Variants in FNIP2 observed in about 807,000 individuals in gnomAD.
The protein encoded by FNIP2 is folliculin interacting protein 2.
Under a neutral mutation model 108.7 loss-of-function variants are expected in FNIP2, and 32 were observed. The observed-to-expected ratio is 0.29, with a 90% CI of 0.22 to 0.40. The LOEUF is 0.40. Ranked by LOEUF, FNIP2 falls within the 10% of genes least tolerant of loss-of-function variation. The pLI is 1.00. For synonymous variants in FNIP2, 480 were observed against 496.7 expected (o/e 0.97, Z 0.45); for missense variants, 1,202 against 1,381.6 (o/e 0.87, Z 2.06).
chr4:158,785,087 C>CTTTTT (rs397805773), intron 1 of FNIP2, among the ~76,000 whole-genome samples: 38,300 of 122,440 alleles, frequency 0.31, 6,890 homozygotes, highest in Non-Finnish European at 0.37. Context: ...TAAAGTTCCT[C>CTTTTT]TTTTTTTTTT....
intron 14 of FNIP2, among the ~76,000 whole-genome samples, chr4:158,883,484 G>T (rs1043400199): frequency 4.6e-5 from 7 of 152,058 alleles, no homozygotes; most frequent in African/African-American, 1.4e-4. Context: ...CTTGTGATCC[G>T]CCCACCTCAG....
At chr4:158,849,907 C>T (rs974452405) in intron 7 of FNIP2, among the ~76,000 whole-genome samples, 1 of 151,976 alleles carries the variant, frequency 6.6e-6, no homozygotes, top group East Asian at 1.9e-4. Flanking sequence ...TAAGACCTAC[C>T]AAACAAATTT....
intron 12 of FNIP2, among the ~76,000 whole-genome samples, chr4:158,863,218 G>T (rs578105773): frequency 6.6e-6 from 1 of 152,210 alleles, no homozygotes; most frequent in South Asian, 2.1e-4. Context: ...AGTGATGGCC[G>T]AGTTTCCATT....
At position 158,868,605 on chromosome 4, in the gene FNIP2, G is replaced by C; in HGVS notation, c.1969G>C (p.Ala657Pro). 1 of 1,613,772 alleles carries C rather than the reference G, an allele frequency of 6.2e-7. No homozygotes were observed. Among genetic ancestry groups the C allele is most frequent in the Non-Finnish European group, 8.5e-7 (1 of 1,179,782 alleles). ...TTGTGGGGATGAGAAAAATAAAGAGGCACCGCAAGATGGCTCTTCAAGACT... is the reference window on the plus strand; with the variant it reads ...TTGTGGGGATGAGAAAAATAAAGAGCCACCGCAAGATGGCTCTTCAAGACT... ...AFCGDEKNKE[A>P]PQDGSSRLPS... The change falls in exon 13 of 17, where the codon GCA becomes CCA. Residue 657 changes from alanine to proline, a missense_variant. Physicochemically the swap from Ala to Pro is conservative, Grantham distance 27. Coordinates refer to ENST00000264433, the MANE Select transcript of FNIP2 (RefSeq NM_020840.3). This position sits in a 1 kb window ranked among gnomAD's most constrained non-coding sequence, Gnocchi z 4.6.
intron 15 of FNIP2, chr4:158,893,582 A>G: frequency 1.2e-6 from 1 of 825,512 alleles, no homozygotes; most frequent in Non-Finnish European, 1.9e-6. Context: ...GTACTCTTGC[A>G]AGACATCTGT....
chr4:158,850,514 G>A (rs1251067804), intron 7 of FNIP2, among the ~76,000 whole-genome samples: 1 of 151,316 alleles, frequency 6.6e-6, no homozygotes, highest in Non-Finnish European at 1.5e-5. Context: ...ACAGGTGTAG[G>A]CATCTAATAT....
intron 1 of FNIP2, among the ~76,000 whole-genome samples, chr4:158,824,538 A>G (rs2126557957): frequency 6.6e-6 from 1 of 151,488 alleles, no homozygotes; most frequent in African/African-American, 2.4e-5. Flanking sequence ...CCTTTCCCCC[A>G]CCTCTGCTGC....
At chr4:158,891,671 A>G in intron 15 of FNIP2, 25 bp downstream of exon 15, 1 of 1,566,708 alleles carries the variant, frequency 6.4e-7, no homozygotes, top group Non-Finnish European at 8.7e-7. Context: ...TTATATCACC[A>G]AAGAAATCTA....
At chr4:158,783,747 G>A (rs1209034979) in intron 1 of FNIP2, among the ~76,000 whole-genome samples, 1 of 152,180 alleles carries the variant, frequency 6.6e-6, no homozygotes, top group African/African-American at 2.4e-5. Context: ...GCTCTAGGTG[G>A]CCTAAAGTCC....
At chr4:158,785,917 G>C (rs528078620) in intron 1 of FNIP2, among the ~76,000 whole-genome samples, 2 of 152,244 alleles carry the variant, frequency 1.3e-5, no homozygotes, top group South Asian at 4.1e-4. Context: ...GCTCCTCCCA[G>C]CTGACGTCTC....
chr4:158,827,850 G>A (rs1778242901), intron 2 of FNIP2, among the ~76,000 whole-genome samples: 1 of 152,104 alleles, frequency 6.6e-6, no homozygotes, highest in Admixed American at 6.5e-5. Context: ...CCCTTGGCAA[G>A]CACAAAACGT....
chr4:158,806,053 T>TA (rs397879434), intron 1 of FNIP2: 6 of 879,228 alleles, frequency 6.8e-6, no homozygotes, highest in Non-Finnish European at 8.4e-6. Context: ...TTTTTTTTTT[T>TA]AAACCTTTGA....
In FNIP2 at chr4:158,891,545, GACA is replaced by G. The variant is rs1399546279; in HGVS notation, c.3053_3055del (p.Asn1018del). 2 of 1,611,558 alleles carry G rather than the reference GACA, an allele frequency of 1.2e-6. No individual in the cohort carries two copies. The highest frequency in any genetic ancestry group is 4.5e-5 in the East Asian group (2 of 44,872). On this transcript the variant is annotated inframe_deletion, in exon 15 of 17. Coordinates refer to ENST00000264433, the MANE Select transcript of FNIP2 (RefSeq NM_020840.3). Reference sequence around the variant, plus strand: ...AGCTACAAGTCAGAGGAAAGTGACGGACAACATGAAACTAGGCCAGGATGTCCT... The same window carrying G: ...AGCTACAAGTCAGAGGAAAGTGACGGACATGAAACTAGGCCAGGATGTCCT...
intron 7 of FNIP2, 44 bp downstream of exon 7, chr4:158,835,520 T>C (rs746252823): frequency 1.3e-6 from 2 of 1,563,136 alleles, no homozygotes; most frequent in South Asian, 2.2e-5. Flanking sequence ...GAGTGAACTA[T>C]CTACAGTGGT....
chr4:158,781,473 T>C (rs1776044233), intron 1 of FNIP2, among the ~76,000 whole-genome samples: 1 of 150,518 alleles, frequency 6.6e-6, no homozygotes, highest in Admixed American at 6.6e-5. Context: ...GTCTATACTT[T>C]GAGTCTTATT....
At chr4:158,780,379 G>A (rs1776002759) in intron 1 of FNIP2, among the ~76,000 whole-genome samples, 1 of 152,026 alleles carries the variant, frequency 6.6e-6, no homozygotes, top group African/African-American at 2.4e-5. Context: ...TTTTAGAATA[G>A]CTATTTCTCA....
At chr4:158,881,962 T>G (rs1445453815) in intron 14 of FNIP2, among the ~76,000 whole-genome samples, 2 of 146,518 alleles carry the variant, frequency 1.4e-5, no homozygotes, top group Admixed American at 1.4e-4. Flanking sequence ...GTCTGGGAAG[T>G]GAGGAGCGCC....
Position 158,825,958 on chromosome 4 carries a change from A to G in FNIP2, c.150A>G (p.Ile50Met). ...TTGACCTGAATGAGATTCGCCTGAT[A>G]GTTTACCAGGACTGTGACAGGAGAG... ...SEFDLNEIRL[I>M]VYQDCDRRGR... is the part of the protein sequence containing the mutation. Residue 50 changes from isoleucine to methionine, a missense_variant, in exon 2 of 17, where the codon ATA (isoleucine) becomes ATG (methionine). Coordinates refer to ENST00000264433, the MANE Select transcript of FNIP2 (RefSeq NM_020840.3). 1 of 1,609,020 alleles carries G rather than the reference A, an allele frequency of 6.2e-7. No individual in the cohort carries two copies. Among genetic ancestry groups the G allele is most frequent in the Non-Finnish European group, 8.5e-7 (1 of 1,175,782 alleles).
intron 1 of FNIP2, among the ~76,000 whole-genome samples, chr4:158,793,339 T>C (rs1776482504): frequency 6.6e-6 from 1 of 152,194 alleles, no homozygotes; most frequent in Non-Finnish European, 1.5e-5. Context: ...AAGTATCACA[T>C]GAGTGGCAGG....
Sources: allele counts gnomAD v4.1 joint callset (sites outside exome capture counted in the v4.1 genomes callset), GRCh38; gene constraint gnomAD v4.1.1; non-coding constraint Gnocchi (gnomAD v3.1); transcripts MANE v1.5; gene names NCBI Gene and HGNC (gene_info 2026-07-23, HGNC 2026-07-21).